Variants in VAPA observed in about 807,000 individuals in gnomAD.
The protein encoded by VAPA is vesicle-associated membrane protein-associated protein A.
VAPA carries 6 observed loss-of-function variants against 25.6 expected under a neutral mutation model. The ratio of observed to expected loss-of-function variants is 0.23; its 90% CI spans 0.13 to 0.46. VAPA has a LOEUF of 0.46. Ranked by LOEUF, VAPA falls within the 20% of genes least tolerant of loss-of-function variation. VAPA has a pLI of 0.99. For missense variants in VAPA, 244 were observed against 302.1 expected (o/e 0.81, Z 1.43); for synonymous variants, 112 against 106.2 (o/e 1.05, Z -0.34).
In VAPA at chr18:9,956,372, G is replaced by A. The variant is rs1218708318; in HGVS notation, c.*2161G>A. On this transcript the variant is annotated 3_prime_UTR_variant, in exon 6 of 6. Transcript: ENST00000400000. ...AATTTCTTATTGTAAGACTACTACC[G>A]GCTTACTGTTGAATAGTTTGGTTAT... 1 of 152,082 alleles carries A rather than the reference G, an allele frequency of 6.6e-6. No individual in the cohort carries two copies. The highest frequency in any genetic ancestry group is 1.5e-5 in the Non-Finnish European group (1 of 68,004). 9.4% of individuals were successfully genotyped at this position (152,082 alleles called of 1,614,324 possible).
chr18:9,928,249 GTTTT>G (rs2069218910), intron 1 of VAPA, among the ~76,000 whole-genome samples: 1 of 151,990 alleles, frequency 6.6e-6, no homozygotes, highest in Admixed American at 6.6e-5. Flanking sequence ...GCTTTTCACT[GTTTT>G]TTCAATTTTT....
intron 4 of VAPA, chr18:9,948,531 T>C (rs1024150169): frequency 7.2e-5 from 11 of 152,190 alleles, no homozygotes; most frequent in African/African-American, 2.6e-4. Context: ...TTGATGATTC[T>C]TTTAGTTTTT....
rs2069587668 is a variant in VAPA at position 9,959,787 on chromosome 18, ATT to A, written c.*5579_*5580del. The A allele has an allele frequency of 6.8e-6, 1 of 147,000 alleles. No individual in the cohort carries two copies. Among genetic ancestry groups the A allele is most frequent in the Non-Finnish European group, 1.5e-5 (1 of 67,194 alleles). The allele number at this position is 147,000 out of a possible 1,614,324, so 9.1% of individuals were successfully genotyped here. On this transcript the variant is annotated 3_prime_UTR_variant, in exon 6 of 6. Transcript: ENST00000400000. ...ATGGTAAGGAATTGGAATCTTTTGT[ATT>A]TTCGAGCAATAAGAATTCCTATTCT...
chr18:9,920,634 TGCTGCTGGAACTAC>T (rs2069148913), intron 1 of VAPA, among the ~76,000 whole-genome samples: 1 of 152,238 alleles, frequency 6.6e-6, no homozygotes, highest in Non-Finnish European at 1.5e-5. Context: ...TCCTCCACAC[TGCTGCTGGAACTAC>T]GCTTTGGAAA....
intron 2 of VAPA, among the ~76,000 whole-genome samples, chr18:9,934,377 A>G (rs921469495): frequency 1.3e-5 from 2 of 152,146 alleles, no homozygotes; most frequent in African/African-American, 2.4e-5. Context: ...TTTATTCACA[A>G]ATTTTTGGTT....
intron 5 of VAPA, 139 bp from the exon 6 acceptor site, chr18:9,953,914 G>T: frequency 1.1e-6 from 1 of 949,774 alleles, no homozygotes; most frequent in Non-Finnish European, 1.6e-6. Context: ...TCCTTATGTG[G>T]TTAGCAGTTA....
At chr18:9,945,083 T>G (rs2069408264) in intron 4 of VAPA, 1 of 1,610,216 alleles carries the variant, frequency 6.2e-7, no homozygotes, top group Non-Finnish European at 8.5e-7. Flanking sequence ...GTTAACAGAC[T>G]TAGGAGTCTA....
At chr18:9,920,819 C>T (rs1269833076) in intron 1 of VAPA, among the ~76,000 whole-genome samples, 1 of 152,236 alleles carries the variant, frequency 6.6e-6, no homozygotes, top group African/African-American at 2.4e-5. Context: ...TTCCCAAACA[C>T]TCCAGGCCAC....
chr18:9,955,222 T>C lies in VAPA; in HGVS notation c.*1011T>C, dbSNP rs2069535223. 1 of 152,362 alleles carries C rather than the reference T, an allele frequency of 6.6e-6. No homozygotes were observed. Among genetic ancestry groups the C allele is most frequent in the African/African-American group, 2.4e-5 (1 of 41,596 alleles). The allele number at this position is 152,362 out of a possible 1,614,324, so 9.4% of individuals were successfully genotyped here. A position where few individuals can be genotyped will look rare whatever the true frequency, so the allele number is the denominator to read the frequency against. On this transcript the variant is annotated 3_prime_UTR_variant, in exon 6 of 6. Coordinates refer to ENST00000400000, the MANE Select transcript of VAPA (RefSeq NM_194434.3). ...CCTAATAAATAAGTCTTACTACTTTTCATAATATTTCATAATAGTTAAAAG... is the reference window on the plus strand; with the variant it reads ...CCTAATAAATAAGTCTTACTACTTTCCATAATATTTCATAATAGTTAAAAG...
intron 1 of VAPA, among the ~76,000 whole-genome samples, chr18:9,917,100 T>A (rs1264949035): frequency 6.6e-6 from 1 of 152,210 alleles, no homozygotes; most frequent in African/African-American, 2.4e-5. Context: ...CTGAAGTAGA[T>A]CACTTGTGTT....
chr18:9,938,053 A>C (rs1005504616), intron 4 of VAPA, among the ~76,000 whole-genome samples: 1 of 152,218 alleles, frequency 6.6e-6, no homozygotes, highest in Admixed American at 6.5e-5. Flanking sequence ...TTCTCTGTGG[A>C]AAGTGAGTGT....
At chr18:9,927,518 C>T (rs2069211198) in intron 1 of VAPA, among the ~76,000 whole-genome samples, 1 of 150,002 alleles carries the variant, frequency 6.7e-6, no homozygotes, top group Admixed American at 6.6e-5. Flanking sequence ...AGTGGGATTC[C>T]TTTTAAGACT....
intron 1 of VAPA, chr18:9,924,145 A>G (rs1259804588): frequency 6.6e-6 from 1 of 151,866 alleles, no homozygotes; most frequent in African/African-American, 2.4e-5. Context: ...TCATTTTTTC[A>G]TGTTATATTT....
chr18:9,936,137 C>T lies in VAPA; in HGVS notation c.260C>T (p.Pro87Leu), dbSNP rs1192116702. 1.2e-6 allele frequency: 2 copies of T among 1,605,394 alleles called. No individual in the cohort carries two copies. Among genetic ancestry groups the T allele is most frequent in the South Asian group, 1.1e-5 (1 of 89,056 alleles). The change falls in exon 3 of 6, where the codon CCG becomes CTG. Residue 87 changes from proline to leucine, a missense_variant. Transcript: ENST00000400000. Reference protein sequence around the residue: ...SVMLQPFDYDPNEKSKHKFMV... With the variant: ...SVMLQPFDYDLNEKSKHKFMV... ...ATGCTACAGCCCTTTGACTATGATC[C>T]GAATGAAAAGAGTAAACACAAGTTT...
At chr18:9,932,834 C>T (rs868341339) in intron 2 of VAPA, among the ~76,000 whole-genome samples, 2 of 152,118 alleles carry the variant, frequency 1.3e-5, no homozygotes, top group Non-Finnish European at 2.9e-5. Flanking sequence ...TTAGGCCGGG[C>T]GCGGTGGCTT....
At position 9,946,468 on chromosome 18, in the gene VAPA, T is replaced by G. The variant is rs531329269; in HGVS notation, c.418-3927T>G. 6.3e-4 allele frequency among the ~76,000 whole-genome samples: 88 copies of G among 138,628 alleles called. No individual in the cohort carries two copies. In the East Asian group the frequency reaches 8.8e-3, roughly 14 times the overall value. The allele number at this position is 138,628 out of a possible 152,430, so 90.9% of individuals were successfully genotyped here. On this transcript the variant is annotated intron_variant, in intron 4 of 5. Transcript: ENST00000400000. Reference sequence around the variant, plus strand: ...TTCTTAAAACACTATGAGTTTTTTTTTGTGTGATTTTTTTTTTTTAATAGC... The same window carrying G: ...TTCTTAAAACACTATGAGTTTTTTTGTGTGTGATTTTTTTTTTTTAATAGC...
chr18:9,937,635 CTG>C (rs1448911763), intron 4 of VAPA, among the ~76,000 whole-genome samples: 1 of 152,142 alleles, frequency 6.6e-6, no homozygotes, highest in Non-Finnish European at 1.5e-5. Context: ...AAAAAATAGT[CTG>C]TGAATGTACC....
chr18:9,953,969 T>TC, intron 5 of VAPA, 84 bp from the exon 6 acceptor site: 6 of 1,544,234 alleles, frequency 3.9e-6, no homozygotes, highest in Non-Finnish European at 5.3e-6. Flanking sequence ...TAATCTACTT[T>TC]CCGTCCCTAT....
intron 5 of VAPA, among the ~76,000 whole-genome samples, chr18:9,953,326 G>A (rs552244616): frequency 2.3e-4 from 35 of 152,290 alleles, no homozygotes; most frequent in African/African-American, 7.5e-4. Context: ...GGTTTCCTAT[G>A]TACATTTCTC....
Sources: gnomAD v4.1 joint callset for allele counts (sites outside exome capture counted in the v4.1 genomes callset) on GRCh38, gnomAD v4.1.1 for gene constraint, MANE v1.5 for transcripts, NCBI Gene and HGNC (gene_info 2026-07-23, HGNC 2026-07-21) for gene names.